Variants in CLEC16A observed in about 807,000 individuals in gnomAD.
The protein encoded by CLEC16A is C-type lectin domain containing 16A.
In CLEC16A, 51 loss-of-function variants were observed where a neutral mutation model predicts 109.5. The observed-to-expected ratio is 0.47, with a 90% CI of 0.37 to 0.59. The LOEUF is 0.59. CLEC16A is among the 20% of genes least tolerant of loss of function. The pLI is 0.00. For synonymous variants in CLEC16A, 673 were observed against 564.2 expected (o/e 1.19, Z -2.73); for missense variants, 1,339 against 1,394.0 (o/e 0.96, Z 0.63).
At chr16:10,975,288 C>T (rs1810551128) in intron 7 of CLEC16A, among the ~76,000 whole-genome samples, 1 of 152,130 alleles carries the variant, frequency 6.6e-6, no homozygotes, top group Admixed American at 6.5e-5. Flanking sequence ...GAGATCGCAC[C>T]ACTGCACTCC....
intron 19 of CLEC16A, among the ~76,000 whole-genome samples, chr16:11,112,448 C>T (rs971345407): frequency 7.5e-6 from 1 of 133,422 alleles, no homozygotes; most frequent in Non-Finnish European, 1.5e-5. Flanking sequence ...CCACTTGATC[C>T]AGGAGTTTGA....
chr16:11,032,408 C>A (rs371745407), intron 13 of CLEC16A, among the ~76,000 whole-genome samples: 8 of 152,162 alleles, frequency 5.3e-5, no homozygotes, highest in Admixed American at 4.6e-4. Flanking sequence ...ATTCAGCCAG[C>A]GGGTGGGAGG....
chr16:11,163,883 T>C (rs1028477092), intron 22 of CLEC16A, among the ~76,000 whole-genome samples: 3 of 152,074 alleles, frequency 2.0e-5, no homozygotes, highest in African/African-American at 7.2e-5. Flanking sequence ...CATCTTGACA[T>C]TTTGATTTGT....
intron 10 of CLEC16A, among the ~76,000 whole-genome samples, chr16:10,995,499 G>T (rs562513380): frequency 2.0e-5 from 3 of 152,292 alleles, no homozygotes; most frequent in African/African-American, 7.2e-5. Flanking sequence ...GGGAGCTTGG[G>T]AGTCAAGTTT....
At position 10,971,245 on chromosome 16, in the gene CLEC16A, G is replaced by A; in HGVS notation, c.598+15G>A. On this transcript the variant is annotated intron_variant, in intron 5 of 23. Coordinates refer to ENST00000409790, the MANE Select transcript of CLEC16A (RefSeq NM_015226.3). The stretch of plus-strand genomic sequence containing the variant: ...TGTCTATAAAGGTAAGTGTCCTCAT[G>A]GGCTTGTGTCTCGGCTGATTTCTGA... The A allele has an allele frequency of 6.4e-7, 1 of 1,571,102 alleles. No homozygotes were observed. The highest frequency in any genetic ancestry group is 8.7e-7 in the Non-Finnish European group (1 of 1,142,878).
At chr16:11,027,434 T>C (rs759072696) in intron 13 of CLEC16A, 54 of 1,528,850 alleles carry the variant, frequency 3.5e-5, no homozygotes, top group African/African-American at 1.6e-4. Flanking sequence ...TGGAAACTTA[T>C]GTGACCTGGG....
At chr16:11,075,378 CTGTGTGTGTGTG>C (rs373865850) in intron 19 of CLEC16A, among the ~76,000 whole-genome samples, 6 of 134,698 alleles carry the variant, frequency 4.5e-5, no homozygotes, top group East Asian at 2.2e-4. Flanking sequence ...TTGGATATGT[CTGTGTGTGTGTG>C]TGTGTGTGTG....
In CLEC16A at chr16:11,156,927, C is replaced by A. The variant is rs577378313; in HGVS notation, c.2642-9461C>A. ...ACAGCCCAAATGCCCGCCCCCCCCC[C>A]CACCCACCCCCTGCCGGTAGCAAAA... On this transcript the variant is annotated intron_variant, in intron 22 of 23. Coordinates refer to ENST00000409790, the MANE Select transcript of CLEC16A (RefSeq NM_015226.3). 5.5e-3 allele frequency: 1,248 copies of A among 228,650 alleles called. 7 individuals carry two copies. Among genetic ancestry groups the A allele is most frequent in the Non-Finnish European group, 8.3e-3 (947 of 113,806 alleles). The allele number at this position is 228,650 out of a possible 1,614,324, so 14.2% of individuals were successfully genotyped here.
intron 11 of CLEC16A, among the ~76,000 whole-genome samples, chr16:11,018,867 T>G (rs897242185): frequency 6.6e-6 from 1 of 150,812 alleles, no homozygotes; most frequent in African/African-American, 2.5e-5. Context: ...AGGTCAGAGG[T>G]GGACTGGGGC....
intron 12 of CLEC16A, among the ~76,000 whole-genome samples, chr16:11,022,622 G>A (rs566890828): frequency 5.3e-5 from 8 of 152,132 alleles, no homozygotes; most frequent in African/African-American, 9.6e-5. Flanking sequence ...CTAAGAGGCC[G>A]GGTGCAGTGG....
At chr16:10,953,893 C>T (rs1472896900) in intron 1 of CLEC16A, among the ~76,000 whole-genome samples, 2 of 151,478 alleles carry the variant, frequency 1.3e-5, no homozygotes, top group African/African-American at 2.4e-5. Context: ...AGGGAAATGG[C>T]GTGAACCCAG....
At chr16:10,945,015 T>G (rs1281976620) in intron 1 of CLEC16A, among the ~76,000 whole-genome samples, 1 of 152,112 alleles carries the variant, frequency 6.6e-6, no homozygotes, top group Non-Finnish European at 1.5e-5. Context: ...GTCGCTTAAT[T>G]TCTCAGAGTC....
At chr16:11,125,165 G>A (rs1010111737) in intron 21 of CLEC16A, among the ~76,000 whole-genome samples, 12 of 152,148 alleles carry the variant, frequency 7.9e-5, no homozygotes, top group South Asian at 2.1e-4. Context: ...ACAGGCCCGC[G>A]TCCCACGTTG....
intron 8 of CLEC16A, among the ~76,000 whole-genome samples, chr16:10,978,068 C>T (rs2043119585): frequency 6.6e-6 from 1 of 152,212 alleles, no homozygotes; most frequent in South Asian, 2.1e-4. Flanking sequence ...GGAGAAGATA[C>T]AGACAGCGAC....
chr16:11,100,653 C>G (rs1431879198), intron 19 of CLEC16A, among the ~76,000 whole-genome samples: 1 of 152,178 alleles, frequency 6.6e-6, no homozygotes, highest in Non-Finnish European at 1.5e-5. Context: ...TACTGACCCT[C>G]TCAGGGTCTC....
At chr16:11,081,614 C>T (rs921377712) in intron 19 of CLEC16A, among the ~76,000 whole-genome samples, 16 of 152,170 alleles carry the variant, frequency 1.1e-4, no homozygotes, top group African/African-American at 3.6e-4. Context: ...CCCTGGATTC[C>T]TCAAGCCATA....
intron 7 of CLEC16A, among the ~76,000 whole-genome samples, chr16:10,973,445 A>T (rs937434095): frequency 1.3e-5 from 2 of 152,234 alleles, no homozygotes; most frequent in African/African-American, 4.8e-5. Flanking sequence ...GATGAACCTC[A>T]AAAGCATTAT....
At chr16:11,053,288 G>C (rs2048043622) in intron 18 of CLEC16A, among the ~76,000 whole-genome samples, 1 of 152,056 alleles carries the variant, frequency 6.6e-6, no homozygotes, top group South Asian at 2.1e-4. Context: ...ATTCAAATCA[G>C]TTCTTTATGT....
intron 2 of CLEC16A, among the ~76,000 whole-genome samples, chr16:10,962,140 G>A: frequency 6.6e-6 from 1 of 151,726 alleles, no homozygotes; most frequent in South Asian, 2.1e-4. Flanking sequence ...TGTAGAGGTA[G>A]GGGTCTTGTT....
Sources: allele counts gnomAD v4.1 joint callset (sites outside exome capture counted in the v4.1 genomes callset), GRCh38; gene constraint gnomAD v4.1.1; transcripts MANE v1.5; gene names NCBI Gene and HGNC (gene_info 2026-07-23, HGNC 2026-07-21).